Variants in AMZ1 observed in about 807,000 individuals in gnomAD.
AMZ1 encodes archaemetzincin-1.
Under a neutral mutation model 29.9 loss-of-function variants are expected in AMZ1, and 39 were observed. That is an observed-to-expected ratio of 1.30 (90% CI 1.01 to 1.70). The LOEUF (loss-of-function observed/expected upper bound fraction) is 1.70, where lower values mean the gene tolerates loss of function less well. Ranked by LOEUF, AMZ1 falls within the 40% of genes most tolerant of loss-of-function variation. AMZ1 has a pLI of 0.00. For synonymous variants in AMZ1, 458 were observed against 304.0 expected, an observed-to-expected ratio of 1.51 and a Z score of -5.27; for missense variants, 1,041 against 680.6, an observed-to-expected ratio of 1.53 and a Z score of -5.89.
At chr7:2,741,431 C>A (rs978892798) in intron 4 of AMZ1, among the ~76,000 whole-genome samples, 12 of 152,286 alleles carry the variant, frequency 7.9e-5, no homozygotes, top group African/African-American at 2.4e-4. Context: ...GCTTCCACCA[C>A]AGAATCTCTA....
rs1328731573 is a variant in AMZ1 at position 2,713,414 on chromosome 7, C to G, written c.*536C>G. 1 of 152,608 alleles carries G rather than the reference C, an allele frequency of 6.6e-6. No individual in the cohort carries two copies. The allele number at this position is 152,608 out of a possible 1,614,324, so 9.5% of individuals were successfully genotyped here. A position where few individuals can be genotyped will look rare whatever the true frequency, so the allele number is the denominator to read the frequency against. On this transcript the variant is annotated 3_prime_UTR_variant, in exon 7 of 7. Transcript: ENST00000683327. ...GACTGTGCTGAGGTTGGGACAGAGC[C>G]CCCTCCCCTGCAGAGGCAGAAGGAA...
intron 4 of AMZ1, among the ~76,000 whole-genome samples, chr7:2,747,479 G>A (rs1790823405): frequency 6.6e-6 from 1 of 152,176 alleles, no homozygotes; most frequent in Non-Finnish European, 1.5e-5. Context: ...CAACCTTCAT[G>A]CTAAAAACTC....
intron 2 of AMZ1, among the ~76,000 whole-genome samples, chr7:2,701,000 C>G (rs1244420130): frequency 6.6e-6 from 1 of 152,168 alleles, no homozygotes; most frequent in Non-Finnish European, 1.5e-5. Flanking sequence ...CAGGTGTGGC[C>G]TCATCCAGAT....
chr7:2,707,148 C>T (rs1013907023), intron 3 of AMZ1, among the ~76,000 whole-genome samples: 2 of 152,062 alleles, frequency 1.3e-5, no homozygotes, highest in Non-Finnish European at 2.9e-5. Flanking sequence ...TGGCACGTGC[C>T]TGTAATCCCT....
At chr7:2,737,077 T>C (rs1009028481) in intron 4 of AMZ1, among the ~76,000 whole-genome samples, 5 of 152,086 alleles carry the variant, frequency 3.3e-5, no homozygotes, top group Non-Finnish European at 4.4e-5. Flanking sequence ...AGACAGCCCA[T>C]GTGTGGGTCC....
At chr7:2,763,712 C>G (rs1791683191), upstream of AMZ1, among the ~76,000 whole-genome samples, 1 of 152,182 alleles carries the variant, frequency 6.6e-6, no homozygotes, top group African/African-American at 2.4e-5. Flanking sequence ...TCCAGGAAAC[C>G]AAAGCTTCTT....
At chr7:2,734,090 G>A (rs1790037490) in intron 4 of AMZ1, among the ~76,000 whole-genome samples, 1 of 152,200 alleles carries the variant, frequency 6.6e-6, no homozygotes. Flanking sequence ...TGGAATGATG[G>A]CCAGTCTTCT....
chr7:2,687,281 T>C (rs570429879), upstream of AMZ1, among the ~76,000 whole-genome samples: 3 of 151,772 alleles, frequency 2.0e-5, no homozygotes, highest in East Asian at 5.9e-4. Flanking sequence ...GAGCCCAGAT[T>C]GCACCATTAC....
chr7:2,690,316 G>A (rs565127100), intron 1 of AMZ1, among the ~76,000 whole-genome samples: 2 of 152,256 alleles, frequency 1.3e-5, no homozygotes, highest in Admixed American at 6.5e-5. Context: ...CCTCCAGGGC[G>A]AAAGCAATCC....
chr7:2,697,928 C>G (rs986257023), intron 1 of AMZ1, among the ~76,000 whole-genome samples: 22 of 151,928 alleles, frequency 1.4e-4, no homozygotes, highest in Non-Finnish European at 2.9e-4. Flanking sequence ...CAGTACGTTC[C>G]TCTGGAAAAA....
intron 1 of AMZ1, among the ~76,000 whole-genome samples, chr7:2,681,550 G>A (rs866470114): frequency 2.0e-5 from 3 of 152,090 alleles, no homozygotes; most frequent in African/African-American, 2.4e-5. Context: ...CATGAGCCAC[G>A]GTGCCCAGCC....
At position 2,714,988 on chromosome 7, in the gene AMZ1, T is replaced by G. The variant is rs1471366799; in HGVS notation, c.*2110T>G. ...ATACCCTTCTCTTTTGCATGGCTTC[T>G]AAAGGGCATGACAGTGACCTGGGAG... On this transcript the variant is annotated 3_prime_UTR_variant, in exon 7 of 7. Transcript: ENST00000683327. 1 of 151,494 alleles carries G rather than the reference T, an allele frequency of 6.6e-6. No individual in the cohort carries two copies. 9.4% of individuals were successfully genotyped at this position (151,494 alleles called of 1,614,324 possible).
At chr7:2,748,263 T>C (rs1790863951) in intron 4 of AMZ1, among the ~76,000 whole-genome samples, 1 of 151,926 alleles carries the variant, frequency 6.6e-6, no homozygotes, top group South Asian at 2.1e-4. Flanking sequence ...CAAACTATAC[T>C]ACAAGGCTAC....
downstream of AMZ1, among the ~76,000 whole-genome samples, chr7:2,721,798 C>T (rs989125847): frequency 1.3e-5 from 2 of 151,516 alleles, no homozygotes; most frequent in African/African-American, 4.9e-5. Context: ...GAGGCAGGGA[C>T]ATAACACGCC....
At chr7:2,738,283 T>TAA (rs34320599) in intron 4 of AMZ1, among the ~76,000 whole-genome samples, 1 of 142,854 alleles carries the variant, frequency 7.0e-6, no homozygotes, top group African/African-American at 2.6e-5. Context: ...AGGCTCCATC[T>TAA]AAAAAAAAAA....
Position 2,708,732 on chromosome 7 carries a change from A to G in AMZ1, c.601+16A>G, listed in dbSNP as rs1187022504. ...CCAGGGCACGGTGAGCCGGGGCCCC[A>G]GCAGCTGTGCGTGGGGGGTAGCCTG... is the stretch of plus-strand genomic sequence containing the variant. On this transcript the variant is annotated intron_variant, in intron 4 of 6. Transcript: ENST00000683327. The G allele has an allele frequency of 1.2e-6, 2 of 1,611,890 alleles. No homozygotes were observed. The highest frequency in any genetic ancestry group is 2.2e-5 in the East Asian group (1 of 44,876).
intron 1 of AMZ1, among the ~76,000 whole-genome samples, chr7:2,695,610 G>A (rs1345012633): frequency 6.6e-6 from 1 of 152,068 alleles, no homozygotes; most frequent in Non-Finnish European, 1.5e-5. Flanking sequence ...CTACTCAGGA[G>A]GCCAAGGCAG....
In AMZ1 at chr7:2,709,182, C is replaced by T. The variant is rs1788580005; in HGVS notation, c.709C>T (p.Pro237Ser). 49 of 1,542,140 alleles carry T rather than the reference C, an allele frequency of 3.2e-5. No homozygotes were observed. Among genetic ancestry groups the T allele is most frequent in the Non-Finnish European group, 4.2e-5 (48 of 1,146,118 alleles). The change falls in exon 5 of 7, where the codon CCC becomes TCC. Residue 237 changes from proline (P) to serine (S), a missense_variant. Physicochemically the swap from Pro to Ser is moderately conservative, Grantham distance 74. Transcript: ENST00000683327. Reference protein sequence around the residue: ...VEAAADGPEAPLQDRGWALCF... With the variant: ...VEAAADGPEASLQDRGWALCF... Reference sequence around the variant, plus strand: ...GGCAGCAGCAGACGGCCCCGAGGCCCCCCTGCAGGACAGGGGCTGGGCCCT... The same window carrying T: ...GGCAGCAGCAGACGGCCCCGAGGCCTCCCTGCAGGACAGGGGCTGGGCCCT...
At chr7:2,741,833 A>G (rs1177872938) in intron 4 of AMZ1, among the ~76,000 whole-genome samples, 1 of 150,728 alleles carries the variant, frequency 6.6e-6, no homozygotes, top group Non-Finnish European at 1.5e-5. Flanking sequence ...AGAACGCCGC[A>G]AGGATAAGAG....
Sources: gnomAD v4.1 joint callset for allele counts (sites outside exome capture counted in the v4.1 genomes callset) on GRCh38, gnomAD v4.1.1 for gene constraint, MANE v1.5 for transcripts, NCBI Gene and HGNC (gene_info 2026-07-23, HGNC 2026-07-21) for gene names.